Variants in ARHGEF28 observed in about 807,000 individuals in gnomAD.
The protein encoded by ARHGEF28 is Rho guanine nucleotide exchange factor 28.
In ARHGEF28, 152 loss-of-function variants were observed where a neutral mutation model predicts 206.6. The ratio of observed to expected loss-of-function variants is 0.74; its 90% CI spans 0.64 to 0.84. The LOEUF (loss-of-function observed/expected upper bound fraction) is 0.84, where lower values mean the gene tolerates loss of function less well. ARHGEF28 is among the 40% of genes least tolerant of loss of function. ARHGEF28 has a pLI of 0.00. For missense variants in ARHGEF28, 2,028 were observed against 2,073.2 expected (o/e 0.98, Z 0.42); for synonymous variants, 763 against 776.4 (o/e 0.98, Z 0.29).
intron 16 of ARHGEF28, among the ~76,000 whole-genome samples, chr5:73,858,558 T>C (rs1759196512): frequency 6.6e-6 from 1 of 152,204 alleles, no homozygotes; most frequent in African/African-American, 2.4e-5. Flanking sequence ...CCAAAACTTT[T>C]GGAGTACATC....
chr5:73,784,533 G>T (rs886968523), intron 7 of ARHGEF28, among the ~76,000 whole-genome samples: 1 of 152,060 alleles, frequency 6.6e-6, no homozygotes, highest in African/African-American at 2.4e-5. Context: ...ATCCTTGTTT[G>T]ATCTCTCTGT....
At chr5:73,843,326 A>G (rs2112581064) in intron 11 of ARHGEF28, among the ~76,000 whole-genome samples, 1 of 152,322 alleles carries the variant, frequency 6.6e-6, no homozygotes, top group Non-Finnish European at 1.5e-5. Context: ...AGGAAGGAGA[A>G]GCCATTCTAC....
chr5:73,645,829 T>G (rs1273311564), intron 1 of ARHGEF28, among the ~76,000 whole-genome samples: 7 of 152,110 alleles, frequency 4.6e-5, no homozygotes, highest in African/African-American at 1.7e-4. Flanking sequence ...TAAATTCTTG[T>G]GATTTTGATT....
chr5:73,759,156 T>TG (rs1752472164), intron 4 of ARHGEF28, among the ~76,000 whole-genome samples: 2 of 530 alleles, frequency 3.8e-3, no homozygotes, highest in African/African-American at 7.2e-3. Flanking sequence ...GAGGGTGGCT[T>TG]AAGAATTGAA....
At chr5:73,720,882 A>G (rs1416088191) in intron 2 of ARHGEF28, among the ~76,000 whole-genome samples, 1 of 152,230 alleles carries the variant, frequency 6.6e-6, no homozygotes, top group South Asian at 2.1e-4. Context: ...TGCTGACCAC[A>G]TTAGGATCTG....
intron 7 of ARHGEF28, among the ~76,000 whole-genome samples, chr5:73,784,451 T>C (rs1257921658): frequency 2.0e-5 from 3 of 152,192 alleles, no homozygotes; most frequent in Non-Finnish European, 4.4e-5. Context: ...CTTATTTTAA[T>C]ATGCTCCTAT....
chr5:73,786,550 T>C (rs1043411589), intron 7 of ARHGEF28: 4 of 152,220 alleles, frequency 2.6e-5, no homozygotes, highest in African/African-American at 9.6e-5. Context: ...CAAGTCCTTA[T>C]GACCCGCAGG....
intron 5 of ARHGEF28, among the ~76,000 whole-genome samples, chr5:73,774,874 A>C (rs925862308): frequency 1.3e-5 from 2 of 152,236 alleles, no homozygotes; most frequent in Non-Finnish European, 2.9e-5. Flanking sequence ...TGCTACATAA[A>C]TATTAAATAT....
At chr5:73,790,231 A>G (rs557061410) in intron 7 of ARHGEF28, among the ~76,000 whole-genome samples, 66 of 152,108 alleles carry the variant, frequency 4.3e-4, no homozygotes, top group Admixed American at 2.2e-3. Context: ...GAAAGTTTCT[A>G]TTAAGACTCT....
chr5:73,832,198 C>A, intron 9 of ARHGEF28, 140 bp from the exon 10 acceptor site: 1 of 1,067,758 alleles, frequency 9.4e-7, no homozygotes, highest in Admixed American at 2.9e-5. Flanking sequence ...AAATTACTTG[C>A]ATGTAGATCT....
chr5:73,752,389 A>T (rs916019573), intron 3 of ARHGEF28, among the ~76,000 whole-genome samples: 8 of 152,068 alleles, frequency 5.3e-5, no homozygotes, highest in South Asian at 2.1e-4. Context: ...GTATATATAT[A>T]TTTTCCCTTT....
intron 1 of ARHGEF28, among the ~76,000 whole-genome samples, chr5:73,652,221 G>A (rs528025613): frequency 1.3e-3 from 192 of 152,250 alleles, no homozygotes; most frequent in African/African-American, 4.3e-3. Flanking sequence ...TCACACTAGT[G>A]GAAAGTAAAT....
chr5:73,844,778 A>C (rs1448192707), intron 11 of ARHGEF28, among the ~76,000 whole-genome samples: 3 of 149,994 alleles, frequency 2.0e-5, no homozygotes, highest in East Asian at 3.9e-4. Flanking sequence ...AAAAAAAAAA[A>C]AAAAAACCAC....
chr5:73,915,189 T>C (rs1763142747), intron 35 of ARHGEF28, among the ~76,000 whole-genome samples: 1 of 152,180 alleles, frequency 6.6e-6, no homozygotes, highest in African/African-American at 2.4e-5. Context: ...TAGTAACATT[T>C]GGAAAATATT....
At chr5:73,842,926 T>A (rs991025352) in intron 11 of ARHGEF28, among the ~76,000 whole-genome samples, 2 of 151,598 alleles carry the variant, frequency 1.3e-5, no homozygotes, top group African/African-American at 2.4e-5. Context: ...GGCACAGATT[T>A]CAGTGAGCAG....
intron 14 of ARHGEF28, among the ~76,000 whole-genome samples, chr5:73,853,283 T>C (rs1561457872): frequency 6.6e-6 from 1 of 152,262 alleles, no homozygotes; most frequent in Non-Finnish European, 1.5e-5. Flanking sequence ...TGTTGGTTTC[T>C]GTTGGTGTTG....
intron 35 of ARHGEF28, among the ~76,000 whole-genome samples, chr5:73,918,936 C>T (rs963835856): frequency 1.3e-5 from 2 of 152,162 alleles, no homozygotes; most frequent in African/African-American, 4.8e-5. Context: ...TTAGTTGATT[C>T]TGAAGCAGCC....
At chr5:73,813,159 G>A (rs1755946858) in intron 9 of ARHGEF28, among the ~76,000 whole-genome samples, 1 of 152,102 alleles carries the variant, frequency 6.6e-6, no homozygotes, top group African/African-American at 2.4e-5. Flanking sequence ...CTCACTCCGA[G>A]CAAAACAAGC....
chr5:73,937,223 A>G (rs1194911206), intron 35 of ARHGEF28, among the ~76,000 whole-genome samples: 1 of 152,214 alleles, frequency 6.6e-6, no homozygotes, highest in East Asian at 1.9e-4. Flanking sequence ...CAAAATGTGG[A>G]TACCTGTAAT....
Sources: allele counts gnomAD v4.1 joint callset (sites outside exome capture counted in the v4.1 genomes callset), GRCh38; gene constraint gnomAD v4.1.1; transcripts MANE v1.5; gene names NCBI Gene and HGNC (gene_info 2026-07-23, HGNC 2026-07-21).